The following DNAH12 variants were observed in gnomAD, a reference collection of about 807,000 sequenced individuals.
The protein encoded by DNAH12 is axonemal beta dynein heavy chain 12.
Under a neutral mutation model 371.5 loss-of-function variants are expected in DNAH12, and 285 were observed. The observed-to-expected ratio is 0.77, with a 90% CI of 0.70 to 0.85. DNAH12 has a LOEUF of 0.85. Among genes scored for constraint, DNAH12 ranks in the 40% least tolerant of loss-of-function variants. The pLI, the probability that DNAH12 is intolerant of heterozygous loss-of-function variation, is 0.00. For synonymous variants in DNAH12, 1,200 were observed against 1,213.0 expected (o/e 0.99, Z 0.22); for missense variants, 3,611 against 3,689.4 (o/e 0.98, Z 0.55).
In DNAH12 at chr3:57,323,191, C is replaced by G; in HGVS notation, c.10199G>C (p.Gly3400Ala). The G allele has an allele frequency of 2.6e-6, 4 of 1,552,372 alleles. No homozygotes were observed. The highest frequency in any genetic ancestry group is 3.5e-6 in the Non-Finnish European group (4 of 1,147,148). ...NKFQAISLGQ[G>A]QGPIAAKMIK... ...CATTTTTGCTGCAATCGGTCCTTGT[C>G]CCTGTCCCAGTGAAATAGCTTGAAA... is the stretch of plus-strand genomic sequence containing the variant. Residue 3400 changes from glycine to alanine, a missense_variant, in exon 64 of 74, where the codon GGA (glycine) becomes GCA (alanine). By Grantham distance (60) the Gly-to-Ala change is moderately conservative. Coordinates refer to ENST00000495027, the MANE Select transcript of DNAH12 (RefSeq NM_001366028.2).
rs1383070897 is a variant in DNAH12 at position 57,301,640 on chromosome 3, ATG to A, written c.11394+93_11394+94del. 183 of 1,426,324 alleles carry A rather than the reference ATG, an allele frequency of 1.3e-4. No individual in the cohort carries two copies. In the East Asian group the frequency reaches 4.3e-3, roughly 34 times the overall value. 88.4% of individuals were successfully genotyped at this position (1,426,324 alleles called of 1,614,324 possible). ...GTTAACCCAAAAAATAAAATTTTAC[ATG>A]TGTCTGTATATTTTACATATTTATA... On this transcript the variant is annotated intron_variant, in intron 70 of 73. Coordinates refer to ENST00000495027, the MANE Select transcript of DNAH12 (RefSeq NM_001366028.2).
rs557216046 is a variant in DNAH12 at position 57,432,217 on chromosome 3, T to A, written c.4980+1150A>T. Among the ~76,000 whole-genome samples, 33 of 149,084 alleles carry A rather than the reference T, an allele frequency of 2.2e-4. 1 individual carries two copies. The Middle Eastern group carries it at 0.014, about 63-fold the overall frequency. On this transcript the variant is annotated intron_variant, in intron 32 of 73. Coordinates refer to ENST00000495027, the MANE Select transcript of DNAH12 (RefSeq NM_001366028.2). ...TGGAGTCTTGCCCTGTCGCCCAGGT[T>A]AGAGTGCAGTGGTGTGATCTCGGTT...
chr3:57,508,048 G>T (rs532025734), intron 7 of DNAH12, among the ~76,000 whole-genome samples: 2 of 151,818 alleles, frequency 1.3e-5, no homozygotes, highest in Admixed American at 1.3e-4. Flanking sequence ...TTAGCTGGGT[G>T]TGGTGGTGTA....
At chr3:57,462,037 T>A (rs1432244413) in intron 18 of DNAH12, among the ~76,000 whole-genome samples, 1 of 152,088 alleles carries the variant, frequency 6.6e-6, no homozygotes, top group Non-Finnish European at 1.5e-5. Context: ...AAGAACCCAT[T>A]CTTTAGGGCC....
Position 57,336,942 on chromosome 3 carries a change from C to T in DNAH12, c.9675-2002G>A, listed in dbSNP as rs141784656. ...CCTTGCATGTAAACAAATTAAATCC[C>T]CCAATTAAAATATATAAACTGGCTA... On this transcript the variant is annotated intron_variant, in intron 60 of 73. Transcript: ENST00000495027. 2.0e-3 allele frequency among the ~76,000 whole-genome samples: 306 copies of T among 152,154 alleles called. 1 individual carries two copies. In the Middle Eastern group the frequency reaches 0.02, roughly 10 times the overall value.
At chr3:57,388,618 A>G (rs2063544598) in intron 45 of DNAH12, among the ~76,000 whole-genome samples, 2 of 152,178 alleles carry the variant, frequency 1.3e-5, no homozygotes, top group African/African-American at 4.8e-5. Flanking sequence ...ATAAAATGCC[A>G]GGTTAAATGT....
In DNAH12 at chr3:57,430,172, C is replaced by A. The variant is rs184162752; in HGVS notation, c.4981-398G>T. Reference sequence around the variant, plus strand: ...AAAATAGAAAATAGAGAATAGCATGCGTACTCTTATACCCAGCTCATAGAT... The same window carrying A: ...AAAATAGAAAATAGAGAATAGCATGAGTACTCTTATACCCAGCTCATAGAT... On this transcript the variant is annotated intron_variant, in intron 32 of 73. Coordinates refer to ENST00000495027, the MANE Select transcript of DNAH12 (RefSeq NM_001366028.2). Among the ~76,000 whole-genome samples, 73 of 152,138 alleles carry A rather than the reference C, an allele frequency of 4.8e-4. 2 individuals are homozygous for A. Among genetic ancestry groups the A allele is most frequent in the Admixed American group, 2.2e-3 (34 of 15,278 alleles).
At chr3:57,404,887 T>A (rs560652281) in intron 42 of DNAH12, 82 bp downstream of exon 42, 1,163 of 1,264,892 alleles carry the variant, frequency 9.2e-4, no homozygotes, top group Middle Eastern at 1.7e-3. Flanking sequence ...TATTTTTCTT[T>A]ACACCTTTTG....
chr3:57,325,758 C>T (rs2061927354), intron 62 of DNAH12, among the ~76,000 whole-genome samples: 1 of 152,044 alleles, frequency 6.6e-6, no homozygotes, highest in Non-Finnish European at 1.5e-5. Flanking sequence ...AGGCTTCAGA[C>T]AATCAAACTA....
chr3:57,409,195 CAG>C (rs532671108), intron 39 of DNAH12, among the ~76,000 whole-genome samples: 380 of 152,270 alleles, frequency 2.5e-3, no homozygotes, highest in Non-Finnish European at 4.4e-3. Flanking sequence ...TGGAACCACT[CAG>C]AGTAAAAGGT....
At chr3:57,360,619 G>A (rs1160303057) in intron 58 of DNAH12, among the ~76,000 whole-genome samples, 3 of 152,064 alleles carry the variant, frequency 2.0e-5, no homozygotes, top group South Asian at 2.1e-4. Context: ...ACTCGGAGGC[G>A]AAGGTTGCAA....
Position 57,366,844 on chromosome 3 carries a change from G to A in DNAH12, c.9052C>T (p.Leu3018=), listed in dbSNP as rs2063061997. 6.6e-6 allele frequency: 1 copy of A among 152,120 alleles called. No individual in the cohort carries two copies. The highest frequency in any genetic ancestry group is 6.6e-5 in the Admixed American group (1 of 15,260). 9.4% of individuals were successfully genotyped at this position (152,120 alleles called of 1,614,324 possible). ...FDFKFYITTK[L]RNPHYMPELA... is the part of the protein sequence containing the mutation. ...TCTGGCATATAGTGCGGGTTTCTCA[G>A]TTTTGTGGTGATATAAAATTTGAAA... The change falls in exon 57 of 74, where the codon CTG becomes TTG. Residue 3018 remains leucine, a synonymous_variant. Transcript: ENST00000495027.
intron 55 of DNAH12, among the ~76,000 whole-genome samples, chr3:57,369,135 G>A (rs960562793): frequency 1.3e-5 from 2 of 150,098 alleles, no homozygotes; most frequent in African/African-American, 2.5e-5. Context: ...CAGGAGAATC[G>A]CTTAAACCCG....
intron 35 of DNAH12, among the ~76,000 whole-genome samples, chr3:57,422,492 C>G (rs2064623201): frequency 6.6e-6 from 1 of 152,074 alleles, no homozygotes; most frequent in South Asian, 2.1e-4. Context: ...CCGCGCCCGG[C>G]CTCTAACAAA....
At chr3:57,525,266 T>C (rs935248597) in intron 2 of DNAH12, among the ~76,000 whole-genome samples, 1 of 152,114 alleles carries the variant, frequency 6.6e-6, no homozygotes, top group Non-Finnish European at 1.5e-5. Flanking sequence ...TTTTGCTCAC[T>C]GCTCTCCCCA....
At chr3:57,311,944 C>T (rs988080742) in intron 66 of DNAH12, among the ~76,000 whole-genome samples, 1 of 152,140 alleles carries the variant, frequency 6.6e-6, no homozygotes, top group African/African-American at 2.4e-5. Flanking sequence ...CTCTCAATAA[C>T]TCTGCAGAGT....
chr3:57,455,129 G>A (rs1035242723), intron 22 of DNAH12, among the ~76,000 whole-genome samples: 3 of 151,998 alleles, frequency 2.0e-5, no homozygotes, highest in South Asian at 2.1e-4. Context: ...TTAATAATGG[G>A]TAGATTTAAC....
At chr3:57,323,757 A>T (rs1445323918) in intron 62 of DNAH12, 138 bp from the exon 63 acceptor site, 7 of 881,280 alleles carry the variant, frequency 7.9e-6, no homozygotes, top group African/African-American at 1.7e-5. Flanking sequence ...ACAAAGCACT[A>T]ATTTCTCTAA....
intron 55 of DNAH12, among the ~76,000 whole-genome samples, chr3:57,369,882 A>G (rs1442657024): frequency 1.3e-5 from 2 of 152,178 alleles, no homozygotes; most frequent in African/African-American, 4.8e-5. Context: ...GTTCTTGGTT[A>G]TCCAATAATT....
Sources: gnomAD v4.1 joint callset for allele counts (sites outside exome capture counted in the v4.1 genomes callset) on GRCh38, gnomAD v4.1.1 for gene constraint, MANE v1.5 for transcripts, NCBI Gene and HGNC (gene_info 2026-07-23, HGNC 2026-07-21) for gene names.